Variants in L3MBTL4 observed in about 807,000 individuals in gnomAD.
The protein encoded by L3MBTL4 is L3MBTL histone methyl-lysine binding protein 4.
Under a neutral mutation model 84.5 loss-of-function variants are expected in L3MBTL4, and 70 were observed. The ratio of observed to expected loss-of-function variants is 0.83; its 90% CI spans 0.68 to 1.01. The LOEUF (loss-of-function observed/expected upper bound fraction) is 1.01. Ranked by LOEUF, L3MBTL4 falls within the 50% of genes least tolerant of loss-of-function variation. The pLI is 0.00. For synonymous variants in L3MBTL4, 274 were observed against 259.8 expected, an observed-to-expected ratio of 1.05 and a Z score of -0.52; for missense variants, 715 against 754.8, an observed-to-expected ratio of 0.95 and a Z score of 0.62.
chr18:5,960,239 A>T, intron 17 of L3MBTL4, 83 bp from the exon 18 acceptor site: 1 of 708,918 alleles, frequency 1.4e-6, no homozygotes, highest in Non-Finnish European at 2.4e-6. Flanking sequence ...TTTAAGTAAA[A>T]TATACTTAAA....
At chr18:6,078,593 G>A (rs1014285569) in intron 16 of L3MBTL4, among the ~76,000 whole-genome samples, 10 of 151,994 alleles carry the variant, frequency 6.6e-5, no homozygotes, top group South Asian at 2.1e-4. Context: ...TCTCAGCCAC[G>A]TTAGAACGAA....
intron 10 of L3MBTL4, among the ~76,000 whole-genome samples, chr18:6,226,795 A>G (rs1342767851): frequency 6.6e-6 from 1 of 152,202 alleles, no homozygotes; most frequent in Non-Finnish European, 1.5e-5. Context: ...ATAATACCCA[A>G]TAAAATCTTT....
chr18:6,065,826 T>C (rs1207663147), intron 16 of L3MBTL4, among the ~76,000 whole-genome samples: 1 of 152,096 alleles, frequency 6.6e-6, no homozygotes, highest in East Asian at 1.9e-4. Context: ...CATTTATCTT[T>C]TGTAATGTTC....
At chr18:6,083,191 T>C (rs2058138693) in intron 15 of L3MBTL4, among the ~76,000 whole-genome samples, 1 of 152,180 alleles carries the variant, frequency 6.6e-6, no homozygotes, top group Admixed American at 6.5e-5. Context: ...TGATTATTTA[T>C]GGAAGGCACG....
chr18:6,016,437 T>C (rs2054982388), intron 16 of L3MBTL4, among the ~76,000 whole-genome samples: 1 of 152,216 alleles, frequency 6.6e-6, no homozygotes, highest in South Asian at 2.1e-4. Context: ...TGTGTTTTTA[T>C]CCTTTGATTG....
intron 14 of L3MBTL4, among the ~76,000 whole-genome samples, chr18:6,103,797 C>A (rs1271268107): frequency 6.6e-6 from 1 of 152,182 alleles, no homozygotes; most frequent in Non-Finnish European, 1.5e-5. Flanking sequence ...TTTGAAAGTT[C>A]TTTCTCAAAG....
chr18:5,981,474 GC>G (rs2053211329), intron 16 of L3MBTL4, among the ~76,000 whole-genome samples: 1 of 152,144 alleles, frequency 6.6e-6, no homozygotes, highest in Non-Finnish European at 1.5e-5. Flanking sequence ...GATCAAACAT[GC>G]AAAAGGCTCT....
intron 16 of L3MBTL4, among the ~76,000 whole-genome samples, chr18:6,012,667 T>TAA (rs11453210): frequency 5.5e-4 from 81 of 146,436 alleles, no homozygotes; most frequent in Admixed American, 1.2e-3. Flanking sequence ...TCTACAAAAT[T>TAA]AAAAAAAAAA....
chr18:6,015,572 C>CA, intron 16 of L3MBTL4, among the ~76,000 whole-genome samples: 1 of 152,238 alleles, frequency 6.6e-6, no homozygotes, highest in African/African-American at 2.4e-5. Flanking sequence ...CTACCATCTC[C>CA]AAATATTTGT....
chr18:6,119,141 C>A (rs1190704977), intron 14 of L3MBTL4, among the ~76,000 whole-genome samples: 1 of 151,854 alleles, frequency 6.6e-6, no homozygotes, highest in African/African-American at 2.4e-5. Context: ...ACAATCATAC[C>A]AAGTTACAGG....
chr18:6,089,329 A>G (rs970751582), intron 15 of L3MBTL4, among the ~76,000 whole-genome samples: 5 of 152,212 alleles, frequency 3.3e-5, no homozygotes, highest in Admixed American at 3.3e-4. Context: ...TAAATAAGAA[A>G]CATCAGTTTG....
intron 16 of L3MBTL4, among the ~76,000 whole-genome samples, chr18:6,034,289 C>T (rs1240205186): frequency 6.6e-6 from 1 of 151,974 alleles, no homozygotes; most frequent in Non-Finnish European, 1.5e-5. Flanking sequence ...CAATGTTATC[C>T]CTCCCCGCTC....
chr18:6,113,595 C>A (rs556747983), intron 14 of L3MBTL4, among the ~76,000 whole-genome samples: 2 of 151,952 alleles, frequency 1.3e-5, no homozygotes, highest in Admixed American at 6.6e-5. Context: ...TCCTTTGAAC[C>A]CTCTAAGTGT....
chr18:6,383,342 A>G (rs187869896), intron 1 of L3MBTL4, among the ~76,000 whole-genome samples: 106 of 152,018 alleles, frequency 7.0e-4, no homozygotes, highest in African/African-American at 2.4e-3. Flanking sequence ...CTGGCATTCC[A>G]GGTGCCACTG....
intron 18 of L3MBTL4, among the ~76,000 whole-genome samples, chr18:5,958,126 AG>A (rs2095242213): frequency 2.4e-3 from 113 of 46,184 alleles, no homozygotes; most frequent in Non-Finnish European, 3.6e-3. Flanking sequence ...AAGAAGAAGA[AG>A]AAAAAGAAGA....
chr18:6,115,932 T>C (rs1483268305), intron 14 of L3MBTL4, among the ~76,000 whole-genome samples: 1 of 152,142 alleles, frequency 6.6e-6, no homozygotes. Flanking sequence ...TTGTGATCCA[T>C]GCACAGCCAG....
intron 17 of L3MBTL4, among the ~76,000 whole-genome samples, chr18:5,965,999 C>A (rs1161687040): frequency 1.3e-5 from 2 of 152,170 alleles, no homozygotes; most frequent in African/African-American, 4.8e-5. Flanking sequence ...CTCCCAGCAG[C>A]AAGGGCTGAG....
chr18:6,187,638 T>C (rs1469576663), intron 12 of L3MBTL4, among the ~76,000 whole-genome samples: 1 of 152,182 alleles, frequency 6.6e-6, no homozygotes. Flanking sequence ...CTCTTTTTCA[T>C]GTATAACTGA....
chr18:5,999,746 G>C (rs2054133599), intron 16 of L3MBTL4, among the ~76,000 whole-genome samples: 1 of 152,228 alleles, frequency 6.6e-6, no homozygotes, highest in Admixed American at 6.5e-5. Context: ...ATATGCAGGG[G>C]AAGGGAAGAA....
Sources: gnomAD v4.1 joint callset for allele counts (sites outside exome capture counted in the v4.1 genomes callset) on GRCh38, gnomAD v4.1.1 for gene constraint, MANE v1.5 for transcripts, NCBI Gene and HGNC (gene_info 2026-07-23, HGNC 2026-07-21) for gene names.